The following CNTN4 variants were observed in gnomAD, a reference collection of about 807,000 sequenced individuals.
The protein encoded by CNTN4 is contactin 4.
Under a neutral mutation model 122.5 loss-of-function variants are expected in CNTN4, and 77 were observed. The observed-to-expected ratio is 0.63, with a 90% CI of 0.52 to 0.76. The LOEUF (loss-of-function observed/expected upper bound fraction) is 0.76. CNTN4 is among the 30% of genes least tolerant of loss of function. The pLI, the probability that CNTN4 is intolerant of heterozygous loss-of-function variation, is 0.00. For missense variants in CNTN4, 1,256 were observed against 1,259.1 expected (o/e 1.00, Z 0.04); for synonymous variants, 512 against 447.0 (o/e 1.15, Z -1.83).
intron 3 of CNTN4, among the ~76,000 whole-genome samples, chr3:2,561,417 G>A (rs1422969564): frequency 1.3e-5 from 2 of 152,084 alleles, no homozygotes; most frequent in Admixed American, 1.3e-4. Flanking sequence ...GAAAGAGCAG[G>A]GTTTCTGGGG....
intron 3 of CNTN4, among the ~76,000 whole-genome samples, chr3:2,431,111 A>G (rs2048052748): frequency 1.3e-5 from 2 of 152,200 alleles, no homozygotes; most frequent in African/African-American, 2.4e-5. Context: ...GTATTCAGAG[A>G]TATTCATTGT....
intron 15 of CNTN4, among the ~76,000 whole-genome samples, chr3:3,027,461 G>A (rs1240199053): frequency 6.6e-6 from 1 of 152,146 alleles, no homozygotes; most frequent in East Asian, 1.9e-4. Context: ...TTGGCTAAGT[G>A]AAAGAAATAT....
chr3:2,481,469 G>C (rs1482081142), intron 3 of CNTN4, among the ~76,000 whole-genome samples: 3 of 151,996 alleles, frequency 2.0e-5, no homozygotes, highest in East Asian at 3.9e-4. Context: ...AATGGTCCTG[G>C]AACAACTGAA....
chr3:3,049,392 CTG>C (rs1296005715), intron 23 of CNTN4, among the ~76,000 whole-genome samples: 1 of 152,120 alleles, frequency 6.6e-6, no homozygotes, highest in African/African-American at 2.4e-5. Context: ...CTCATCTTAA[CTG>C]TATAATAACC....
intron 4 of CNTN4, among the ~76,000 whole-genome samples, chr3:2,655,380 C>T (rs1460155097): frequency 6.6e-6 from 1 of 152,134 alleles, no homozygotes; most frequent in East Asian, 1.9e-4. Flanking sequence ...CAAGCTGCCT[C>T]CTTGGTTCTG....
At position 2,462,438 on chromosome 3, in the gene CNTN4, G is replaced by A. The variant is rs115678788; in HGVS notation, c.-88-108978G>A. On this transcript the variant is annotated intron_variant, in intron 3 of 24. Transcript: ENST00000418658. The stretch of plus-strand genomic sequence containing the variant: ...TCAGTTGGAGAAAATCATAAAAGTA[G>A]CACTCTGATGACTAGTGGTGATGAT... Among the ~76,000 whole-genome samples, 800 of 152,274 alleles carry A rather than the reference G, an allele frequency of 5.3e-3. 6 individuals carry two copies. Among genetic ancestry groups the A allele is most frequent in the African/African-American group, 0.015 (623 of 41,564 alleles).
intron 16 of CNTN4, among the ~76,000 whole-genome samples, chr3:3,031,651 C>A (rs1186171971): frequency 6.6e-6 from 1 of 152,134 alleles, no homozygotes; most frequent in Non-Finnish European, 1.5e-5. Flanking sequence ...GGCAAAGGAA[C>A]TGTAAATGGA....
At position 2,472,211 on chromosome 3, in the gene CNTN4, G is replaced by C. The variant is rs1000856931; in HGVS notation, c.-88-99205G>C. Among the ~76,000 whole-genome samples, 23 of 151,524 alleles carry C rather than the reference G, an allele frequency of 1.5e-4. 1 individual carries two copies. The highest frequency in any genetic ancestry group is 3.4e-3 in the Middle Eastern group (1 of 290). On this transcript the variant is annotated intron_variant, in intron 3 of 24. Transcript: ENST00000418658. The stretch of plus-strand genomic sequence containing the variant: ...TCCACCTGATAAATCAAAGACAAGT[G>C]CTTTTCTTTTGTTGTTGTTGTTGTT...
intron 4 of CNTN4, among the ~76,000 whole-genome samples, chr3:2,619,195 A>G (rs757343583): frequency 1.3e-5 from 2 of 152,220 alleles, no homozygotes; most frequent in Non-Finnish European, 2.9e-5. Context: ...CACATACTAA[A>G]TAAGTGCAGA....
At chr3:2,850,329 G>A (rs1474761932) in intron 7 of CNTN4, among the ~76,000 whole-genome samples, 1 of 152,208 alleles carries the variant, frequency 6.6e-6, no homozygotes, top group Non-Finnish European at 1.5e-5. Context: ...ATGGTAAACA[G>A]AACACAGCTA....
intron 17 of CNTN4, 27 bp downstream of exon 17, chr3:3,034,817 G>C (rs1330480648): frequency 1.2e-6 from 2 of 1,613,408 alleles, no homozygotes; most frequent in Non-Finnish European, 8.5e-7. Flanking sequence ...TTGGCTCAGA[G>C]ACATTGGGAA....
chr3:2,494,692 A>G (rs916006565), intron 3 of CNTN4, among the ~76,000 whole-genome samples: 3 of 152,200 alleles, frequency 2.0e-5, no homozygotes, highest in Non-Finnish European at 2.9e-5. Context: ...TCATTTCAAA[A>G]TATGTCAAAG....
intron 4 of CNTN4, among the ~76,000 whole-genome samples, chr3:2,734,203 G>A (rs1331280357): frequency 6.6e-6 from 1 of 152,046 alleles, no homozygotes; most frequent in Non-Finnish European, 1.5e-5. Flanking sequence ...TGGGACTAGA[G>A]GCGCATGCCA....
chr3:2,376,518 A>T (rs918748461), intron 3 of CNTN4, among the ~76,000 whole-genome samples: 1 of 152,066 alleles, frequency 6.6e-6, no homozygotes, highest in Admixed American at 6.5e-5. Flanking sequence ...GTATTTCTAT[A>T]TCACTAGGTG....
At chr3:3,011,348 C>T (rs1255070877) in intron 14 of CNTN4, among the ~76,000 whole-genome samples, 3 of 152,088 alleles carry the variant, frequency 2.0e-5, no homozygotes, top group Non-Finnish European at 4.4e-5. Context: ...AGTTATTCAC[C>T]GGTTATTAAT....
intron 7 of CNTN4, among the ~76,000 whole-genome samples, chr3:2,858,213 G>A (rs1213949268): frequency 1.3e-5 from 2 of 152,168 alleles, no homozygotes; most frequent in Non-Finnish European, 2.9e-5. Flanking sequence ...GACAGCATCA[G>A]CAGCACCTAG....
rs955510932 is a variant in CNTN4, at chr3:2,571,528, G to A, written c.25G>A (p.Val9Ile). The change falls in exon 4 of 25, where the codon GTA becomes ATA. Residue 9 changes from valine (V) to isoleucine (I), a missense_variant. By Grantham distance (29) the Val-to-Ile change is conservative (BLOSUM62 3). Coordinates refer to ENST00000418658, the MANE Select transcript of CNTN4 (RefSeq NM_175607.3). MRLPWELL[V>I]LQSFILCLAD... ...GATGAGGTTGCCATGGGAACTGCTG[G>A]TACTGCAATCATTCATTTTGTGCCT... is the stretch of plus-strand genomic sequence containing the variant. The A allele has an allele frequency of 3.1e-6, 5 of 1,613,678 alleles. No individual in the cohort carries two copies. Among genetic ancestry groups the A allele is most frequent in the African/African-American group, 2.7e-5 (2 of 74,916 alleles).
At chr3:2,238,263 A>T (rs990884555) in intron 2 of CNTN4, among the ~76,000 whole-genome samples, 4 of 152,226 alleles carry the variant, frequency 2.6e-5, no homozygotes, top group Admixed American at 2.0e-4. Context: ...TTGATTACTG[A>T]TTTTGACGGG....
intron 3 of CNTN4, among the ~76,000 whole-genome samples, chr3:2,382,446 C>T (rs926228007): frequency 5.3e-5 from 8 of 152,006 alleles, no homozygotes; most frequent in Non-Finnish European, 1.0e-4. Flanking sequence ...TGAGCCACTG[C>T]GTCCGGCCCT....
Sources: allele counts gnomAD v4.1 joint callset (sites outside exome capture counted in the v4.1 genomes callset), GRCh38; gene constraint gnomAD v4.1.1; transcripts MANE v1.5; gene names NCBI Gene and HGNC (gene_info 2026-07-23, HGNC 2026-07-21).